PTPRG: variants seen among roughly 807,000 people sequenced by gnomAD.
The protein encoded by PTPRG is protein tyrosine phosphatase receptor type G, also known as receptor-type tyrosine-protein phosphatase gamma.
In PTPRG, 102 loss-of-function variants were observed where a neutral mutation model predicts 165.3. That is an observed-to-expected ratio of 0.62 (90% confidence interval 0.53 to 0.73). The LOEUF (loss-of-function observed/expected upper bound fraction) is 0.73. PTPRG is among the 30% of genes least tolerant of loss of function. The pLI is 0.00. For missense variants in PTPRG, 1,866 were observed against 1,861.4 expected (o/e 1.00, Z -0.05); for synonymous variants, 675 against 669.5 (o/e 1.01, Z -0.13).
At chr3:62,036,534 C>T (rs9815544) in intron 4 of PTPRG, among the ~76,000 whole-genome samples, 19,830 of 152,108 alleles carry the variant, frequency 0.13, 1,809 homozygotes, top group African/African-American at 0.25. Flanking sequence ...GTCATGAAAT[C>T]CACTCAAGAG....
chr3:61,995,980 C>T (rs973706937), intron 3 of PTPRG, among the ~76,000 whole-genome samples: 4 of 152,026 alleles, frequency 2.6e-5, no homozygotes, highest in Non-Finnish European at 5.9e-5. Flanking sequence ...CATTTGCCTC[C>T]GCTGGGGCAT....
chr3:61,653,031 A>T (rs116199863), intron 1 of PTPRG, among the ~76,000 whole-genome samples: 1 of 152,236 alleles, frequency 6.6e-6, no homozygotes, highest in South Asian at 2.1e-4. Context: ...ATTTGTATTC[A>T]TTGCAGAACA....
chr3:62,247,964 T>A (rs1701327051), intron 15 of PTPRG, among the ~76,000 whole-genome samples: 1 of 152,186 alleles, frequency 6.6e-6, no homozygotes, highest in African/African-American at 2.4e-5. Context: ...GAATTTAGGA[T>A]ATTCAGTGTG....
chr3:62,198,153 TATAAC>T lies in PTPRG; in HGVS notation c.1327+2985_1327+2989del, dbSNP rs1700014902. ...AATATGTTTACCTTACTGTGGAAAA[TATAAC>T]AATAATATAACAATAATAATAGCAA... is the stretch of plus-strand genomic sequence containing the variant. On this transcript the variant is annotated intron_variant, in intron 10 of 29. Transcript: ENST00000474889. 3.3e-5 allele frequency among the ~76,000 whole-genome samples: 5 copies of T among 152,272 alleles called. No homozygotes were observed. In the South Asian group the frequency reaches 1.0e-3, roughly 32 times the overall value.
In PTPRG at chr3:62,293,551, G is replaced by A. The variant is rs1702973204; in HGVS notation, c.*244G>A. Reference sequence around the variant, plus strand: ...TTTGCACTATATGATCAGTGTTACTGCCTATAATCTTATACAACAGCAAAC... The same window carrying A: ...TTTGCACTATATGATCAGTGTTACTACCTATAATCTTATACAACAGCAAAC... On this transcript the variant is annotated 3_prime_UTR_variant, in exon 30 of 30. Coordinates refer to ENST00000474889, the MANE Select transcript of PTPRG (RefSeq NM_002841.4). 6.2e-6 allele frequency: 2 copies of A among 323,810 alleles called. No individual in the cohort carries two copies. Among genetic ancestry groups the A allele is most frequent in the African/African-American group, 2.1e-5 (1 of 46,878 alleles). 20.1% of individuals were successfully genotyped at this position (323,810 alleles called of 1,614,324 possible).
Position 62,050,710 on chromosome 3 carries a change from A to G in PTPRG, c.520-27453A>G, listed in dbSNP as rs1219208260. The stretch of plus-strand genomic sequence containing the variant: ...AGAATTTAGTGACTAACATAACTGC[A>G]AAGTCCAGAGGTATCATTGGTTTCT... On this transcript the variant is annotated intron_variant, in intron 4 of 29. Transcript: ENST00000474889. 5.3e-5 allele frequency among the ~76,000 whole-genome samples: 8 copies of G among 152,310 alleles called. No homozygotes were observed. In the East Asian group the frequency reaches 5.8e-4, roughly 11 times the overall value.
At chr3:62,196,223 C>G (rs989858616) in intron 10 of PTPRG, among the ~76,000 whole-genome samples, 1 of 151,562 alleles carries the variant, frequency 6.6e-6, no homozygotes, top group Non-Finnish European at 1.5e-5. Context: ...GAAACCCCGT[C>G]TCTACTAAAA....
At chr3:61,924,252 G>A (rs1361928053) in intron 2 of PTPRG, among the ~76,000 whole-genome samples, 1 of 152,168 alleles carries the variant, frequency 6.6e-6, no homozygotes, top group African/African-American at 2.4e-5. Flanking sequence ...TGCAGATCCT[G>A]ACCTGCACTT....
intron 1 of PTPRG, among the ~76,000 whole-genome samples, chr3:61,618,422 T>C (rs1701360296): frequency 6.6e-6 from 1 of 152,208 alleles, no homozygotes; most frequent in Non-Finnish European, 1.5e-5. Flanking sequence ...TTGCATTCCC[T>C]TGCAAGGATG....
chr3:62,068,660 G>GTTTT (rs1701100969), intron 4 of PTPRG, among the ~76,000 whole-genome samples: 3 of 151,952 alleles, frequency 2.0e-5, no homozygotes, highest in Non-Finnish European at 2.9e-5. Flanking sequence ...GTTTTGTTTT[G>GTTTT]GTTTGGTTTG....
At chr3:61,710,215 A>G (rs939405863) in intron 1 of PTPRG, among the ~76,000 whole-genome samples, 4 of 152,208 alleles carry the variant, frequency 2.6e-5, no homozygotes, top group Admixed American at 2.6e-4. Flanking sequence ...AACAGCTAGT[A>G]TGAAAGAACT....
At chr3:62,152,684 C>T (rs904904561) in intron 6 of PTPRG, among the ~76,000 whole-genome samples, 2 of 152,152 alleles carry the variant, frequency 1.3e-5, no homozygotes, top group African/African-American at 4.8e-5. Context: ...GGGAAAAAGT[C>T]GAGAGTTAAT....
chr3:61,892,222 C>T lies in PTPRG; in HGVS notation c.191-97403C>T, dbSNP rs189090496. Among the ~76,000 whole-genome samples the T allele has an allele frequency of 1.5e-4, 23 of 152,226 alleles. No homozygotes were observed. The East Asian group carries it at 2.3e-3, about 15-fold the overall frequency. On this transcript the variant is annotated intron_variant, in intron 2 of 29. Coordinates refer to ENST00000474889, the MANE Select transcript of PTPRG (RefSeq NM_002841.4). ...GAAACTAGGTTTCCAGCCCATACCACGTGATTTTTTGTTTCTTCTTTTGAG... is the reference window on the plus strand; with the variant it reads ...GAAACTAGGTTTCCAGCCCATACCATGTGATTTTTTGTTTCTTCTTTTGAG...
At chr3:62,179,969 G>T (rs985474518) in intron 8 of PTPRG, among the ~76,000 whole-genome samples, 2 of 152,212 alleles carry the variant, frequency 1.3e-5, no homozygotes, top group African/African-American at 2.4e-5. Flanking sequence ...GGAAGTAGCA[G>T]AGATGCAGAG....
At chr3:61,836,272 T>C (rs1350716733) in intron 2 of PTPRG, among the ~76,000 whole-genome samples, 1 of 152,164 alleles carries the variant, frequency 6.6e-6, no homozygotes, top group African/African-American at 2.4e-5. Context: ...TTTCTGTTCA[T>C]CCACTACCCT....
At chr3:62,073,620 G>GGGATT (rs1359784068) in intron 4 of PTPRG, among the ~76,000 whole-genome samples, 5 of 151,946 alleles carry the variant, frequency 3.3e-5, no homozygotes, top group Admixed American at 1.3e-4. Context: ...CCTCCCAAGT[G>GGGATT]GCAGGCACCT....
intron 2 of PTPRG, among the ~76,000 whole-genome samples, chr3:61,987,646 TATG>T (rs1003550812): frequency 1.3e-5 from 2 of 151,876 alleles, no homozygotes; most frequent in African/African-American, 4.9e-5. Context: ...CATATGATAT[TATG>T]ATATTAAAAC....
Position 62,277,031 on chromosome 3 carries a change from A to G in PTPRG, c.3619A>G (p.Asn1207Asp), listed in dbSNP as rs1702253915. Reference protein sequence around the residue: ...LPGMKGTDYINASYIMGYYRS... With the variant: ...LPGMKGTDYIDASYIMGYYRS... ...TGGAATGAAAGGAACAGATTACATT[A>G]ATGCTTCTTATATCATGGTGAGAGT... The change falls in exon 25 of 30, where the codon AAT becomes GAT. Residue 1207 changes from asparagine (N) to aspartate (D), a missense_variant. Physicochemically the swap from Asn to Asp is conservative, Grantham distance 23 (BLOSUM62 1). This residue lies in a region of PTPRG where 1,452 missense variants were observed against 1,463.0 expected (regional missense o/e 0.99). Coordinates refer to ENST00000474889, the MANE Select transcript of PTPRG (RefSeq NM_002841.4). 1.2e-6 allele frequency: 2 copies of G among 1,612,470 alleles called. No individual in the cohort carries two copies. The highest frequency in any genetic ancestry group is 1.7e-6 in the Non-Finnish European group (2 of 1,178,796).
At chr3:61,911,722 T>G (rs1326240715) in intron 2 of PTPRG, among the ~76,000 whole-genome samples, 1 of 152,188 alleles carries the variant, frequency 6.6e-6, no homozygotes, top group Non-Finnish European at 1.5e-5. Context: ...ATAAATTAAT[T>G]TCTTTTTTCC....
Sources: allele counts gnomAD v4.1 joint callset (sites outside exome capture counted in the v4.1 genomes callset), GRCh38; gene constraint gnomAD v4.1.1; regional missense constraint gnomAD v4.1.1; transcripts MANE v1.5; gene names NCBI Gene and HGNC (gene_info 2026-07-23, HGNC 2026-07-21).